Variants in NEK6 observed in about 807,000 individuals in gnomAD.
The protein encoded by NEK6 is serine/threonine-protein kinase Nek6.
NEK6 carries 27 observed loss-of-function variants against 43.5 expected under a neutral mutation model. The ratio of observed to expected loss-of-function variants is 0.62; its 90% CI spans 0.46 to 0.86. The LOEUF is 0.86. Among genes scored for constraint, NEK6 ranks in the 40% least tolerant of loss-of-function variants. The pLI is 0.00. For missense variants in NEK6, 318 were observed against 414.4 expected (o/e 0.77, Z 2.02); for synonymous variants, 167 against 164.1 (o/e 1.02, Z -0.14).
At chr9:124,279,311 T>TC (rs1181081390) in intron 1 of NEK6, among the ~76,000 whole-genome samples, 1 of 150,522 alleles carries the variant, frequency 6.6e-6, no homozygotes, top group Non-Finnish European at 1.5e-5. Flanking sequence ...TTTTTTTTTT[T>TC]TTTTTTTTGA....
intron 1 of NEK6, among the ~76,000 whole-genome samples, chr9:124,294,655 C>T (rs535199042): frequency 2.6e-5 from 4 of 151,980 alleles, no homozygotes; most frequent in South Asian, 2.1e-4. Context: ...GGAGGGGGAC[C>T]GCTCATTTAA....
intron 1 of NEK6, among the ~76,000 whole-genome samples, chr9:124,288,476 G>A (rs1279770746): frequency 6.6e-6 from 1 of 152,234 alleles, no homozygotes; most frequent in African/African-American, 2.4e-5. Flanking sequence ...TAAAAATGGG[G>A]TTTTGCCATG....
chr9:124,314,231 G>A (rs1414491666), intron 4 of NEK6, among the ~76,000 whole-genome samples: 2 of 152,014 alleles, frequency 1.3e-5, no homozygotes, highest in Non-Finnish European at 2.9e-5. Context: ...CTTGCTGCAC[G>A]CCCCTCCTGC....
intron 9 of NEK6, among the ~76,000 whole-genome samples, chr9:124,348,561 T>C (rs940624773): frequency 2.6e-5 from 4 of 152,124 alleles, no homozygotes; most frequent in Non-Finnish European, 5.9e-5. Context: ...CCTCCCTGAG[T>C]CTCAGTTTCC....
intron 1 of NEK6, among the ~76,000 whole-genome samples, chr9:124,273,757 T>C (rs1831541484): frequency 6.6e-6 from 1 of 152,228 alleles, no homozygotes. Context: ...GCTCGCAGCC[T>C]CACTGCAGCA....
At chr9:124,311,359 C>T (rs1833516826) in intron 2 of NEK6, among the ~76,000 whole-genome samples, 1 of 152,202 alleles carries the variant, frequency 6.6e-6, no homozygotes, top group African/African-American at 2.4e-5. Context: ...CCCTCTGGGC[C>T]TCAGTTTCCT....
chr9:124,315,412 G>A (rs1833765903), intron 4 of NEK6, among the ~76,000 whole-genome samples: 1 of 152,246 alleles, frequency 6.6e-6, no homozygotes, highest in Non-Finnish European at 1.5e-5. Context: ...GGCCATGGCT[G>A]GGTGTGAGTT....
At chr9:124,281,300 G>A (rs1359197023) in intron 1 of NEK6, among the ~76,000 whole-genome samples, 3 of 152,056 alleles carry the variant, frequency 2.0e-5, no homozygotes, top group African/African-American at 7.2e-5. Flanking sequence ...GAATGGAGGA[G>A]GCCGGCCATG....
At chr9:124,310,437 C>G (rs1271672075) in intron 2 of NEK6, among the ~76,000 whole-genome samples, 1 of 152,168 alleles carries the variant, frequency 6.6e-6, no homozygotes, top group South Asian at 2.1e-4. Flanking sequence ...CCCTCCAGAT[C>G]GGGTCCTCTG....
intron 2 of NEK6, among the ~76,000 whole-genome samples, chr9:124,307,328 A>G (rs1833304451): frequency 6.6e-6 from 1 of 152,138 alleles, no homozygotes; most frequent in South Asian, 2.1e-4. Context: ...TCTCCCAGTC[A>G]TGCCCTGCCT....
chr9:124,307,430 C>T (rs3758214), intron 2 of NEK6, among the ~76,000 whole-genome samples: 3,612 of 152,320 alleles, frequency 0.024, 58 homozygotes, highest in East Asian at 0.084. Context: ...TCCTGCTCAC[C>T]AGTTTCCTGC....
chr9:124,346,000 C>T (rs60831717), intron 8 of NEK6, among the ~76,000 whole-genome samples: 49 of 152,336 alleles, frequency 3.2e-4, no homozygotes, highest in African/African-American at 1.1e-3. Flanking sequence ...CCTGGCCAGA[C>T]CCTCCCTGCA....
chr9:124,261,967 T>C (rs1564610100), intron 1 of NEK6, among the ~76,000 whole-genome samples: 1 of 152,054 alleles, frequency 6.6e-6, no homozygotes. Context: ...TTTTTTTTTT[T>C]TGCTGACATC....
At position 124,327,368 on chromosome 9, in the gene NEK6, C is replaced by A; in HGVS notation, c.545C>A (p.Ala182Asp). The A allele has an allele frequency of 6.2e-7, 1 of 1,613,970 alleles. No homozygotes were observed. Residue 182 changes from alanine (A) to aspartate (D), a missense_variant, in exon 7 of 10, where the codon GCC becomes GAC. Around this residue, in one of 2 missense-constraint regions of NEK6, gnomAD observed 239 missense variants for 344.4 expected, o/e 0.69. Coordinates refer to ENST00000320246, the MANE Select transcript of NEK6 (RefSeq NM_014397.6). ...AAGCCTGCCAACGTGTTCATCACAG[C>A]CACGGGCGTCGTGAAGCTCGGTGAC... is the stretch of plus-strand genomic sequence containing the variant. ...DIKPANVFIT[A>D]TGVVKLGDLG...
At chr9:124,338,012 ACTCT>A (rs1829379247) in intron 7 of NEK6, among the ~76,000 whole-genome samples, 2 of 151,640 alleles carry the variant, frequency 1.3e-5, no homozygotes, top group African/African-American at 2.4e-5. Flanking sequence ...AGTCTCACTC[ACTCT>A]CTCACCTGGG....
At chr9:124,339,052 C>T (rs1406222314) in intron 7 of NEK6, among the ~76,000 whole-genome samples, 6 of 106,092 alleles carry the variant, frequency 5.7e-5, no homozygotes, top group Admixed American at 4.2e-4. Flanking sequence ...TTTTTGAGCC[C>T]GAATCTCACT....
chr9:124,296,234 G>A (rs562027118), intron 1 of NEK6, among the ~76,000 whole-genome samples: 17 of 152,366 alleles, frequency 1.1e-4, no homozygotes, highest in African/African-American at 2.6e-4. Context: ...CCATTCGCTC[G>A]GGGCGGAGAG....
intron 1 of NEK6, among the ~76,000 whole-genome samples, chr9:124,277,872 G>C (rs908177898): frequency 6.6e-6 from 1 of 152,216 alleles, no homozygotes; most frequent in Admixed American, 6.5e-5. Context: ...CTCATGTGCT[G>C]TGGAGAGTGC....
chr9:124,307,862 G>A (rs533994734), intron 2 of NEK6, among the ~76,000 whole-genome samples: 11 of 152,240 alleles, frequency 7.2e-5, no homozygotes, highest in African/African-American at 2.4e-4. Context: ...ACCGCCAGCC[G>A]CCGAGGGGTG....
Sources: gnomAD v4.1 joint callset for allele counts (sites outside exome capture counted in the v4.1 genomes callset) on GRCh38, gnomAD v4.1.1 for gene constraint, gnomAD v4.1.1 regional missense constraint, MANE v1.5 for transcripts, NCBI Gene and HGNC (gene_info 2026-07-23, HGNC 2026-07-21) for gene names.